The following ANKRD30B variants were observed in gnomAD, a reference collection of about 807,000 sequenced individuals.
ANKRD30B encodes ankyrin repeat domain-containing protein 30B.
In ANKRD30B, 144 loss-of-function variants were observed where a neutral mutation model predicts 202.2. That is an observed-to-expected ratio of 0.71 (90% confidence interval 0.62 to 0.82). The LOEUF (loss-of-function observed/expected upper bound fraction) is 0.82. ANKRD30B is among the 40% of genes least tolerant of loss of function. The probability of loss-of-function intolerance (pLI) is 0.00; values close to 1 mark genes in which losing one functional copy is unlikely to be tolerated. For synonymous variants in ANKRD30B, 508 were observed against 561.3 expected, an observed-to-expected ratio of 0.91 and a Z score of 1.34; for missense variants, 1,487 against 1,669.1, an observed-to-expected ratio of 0.89 and a Z score of 1.90.
At chr18:14,800,611 A>T (rs59693691) in intron 22 of ANKRD30B, among the ~76,000 whole-genome samples, 59,953 of 149,066 alleles carry the variant, frequency 0.4, 13,599 homozygotes, top group East Asian at 0.58. Flanking sequence ...GGCGTGAGCC[A>T]CCGCGCCCGG....
the ANKRD30B span, among the ~76,000 whole-genome samples, chr18:14,932,743 C>G: frequency 4.1e-4 from 62 of 152,338 alleles, no homozygotes; most frequent in Non-Finnish European, 4.4e-5. Flanking sequence ...CTCTCAGGCT[C>G]TTCCCACTTT....
chr18:14,806,305 A>T (rs1280351246), intron 24 of ANKRD30B, among the ~76,000 whole-genome samples: 3 of 150,874 alleles, frequency 2.0e-5, no homozygotes, highest in Non-Finnish European at 4.4e-5. Flanking sequence ...ACTAAAAAGC[A>T]TCATAATAAT....
chr18:14,828,219 A>T, intron 32 of ANKRD30B, 59 bp from the exon 33 acceptor site: 2 of 1,301,908 alleles, frequency 1.5e-6, no homozygotes, highest in South Asian at 2.7e-5. Context: ...TGTTTTTAAT[A>T]TTCTGTATTT....
intron 32 of ANKRD30B, among the ~76,000 whole-genome samples, chr18:14,825,480 C>A (rs1970619762): frequency 6.6e-6 from 1 of 151,964 alleles, no homozygotes; most frequent in Admixed American, 6.6e-5. Flanking sequence ...GATGATCAAA[C>A]TTTTGTCTTA....
intron 6 of ANKRD30B, among the ~76,000 whole-genome samples, chr18:14,762,211 G>C (rs1417525810): frequency 6.6e-6 from 1 of 152,194 alleles, no homozygotes. Context: ...CTTGCAGTGG[G>C]AAAGGAAAAG....
chr18:14,908,335 C>T, the ANKRD30B span, among the ~76,000 whole-genome samples: 2 of 152,172 alleles, frequency 1.3e-5, no homozygotes, highest in African/African-American at 4.8e-5. Flanking sequence ...TCTACAGATG[C>T]AACTCCCCTC....
At chr18:14,917,998 G>A in the ANKRD30B span, among the ~76,000 whole-genome samples, 4 of 152,156 alleles carry the variant, frequency 2.6e-5, no homozygotes, top group African/African-American at 4.8e-5. Flanking sequence ...TTGAAGACAC[G>A]TCTTATCTGA....
chr18:14,887,127 C>A, the ANKRD30B span, among the ~76,000 whole-genome samples: 1 of 152,090 alleles, frequency 6.6e-6, no homozygotes, highest in African/African-American at 2.4e-5. Context: ...TGTTGACCTC[C>A]CATTGGTGAA....
the ANKRD30B span, among the ~76,000 whole-genome samples, chr18:14,930,987 A>G: frequency 6.6e-6 from 1 of 152,204 alleles, no homozygotes; most frequent in African/African-American, 2.4e-5. Flanking sequence ...CAGTCCTACC[A>G]CAGAAGATGA....
rs554798633 is a variant in ANKRD30B, at chr18:14,810,744, G to T, written c.2488+564G>T. 1.1e-4 allele frequency among the ~76,000 whole-genome samples: 17 copies of T among 151,134 alleles called. 2 individuals are homozygous for T. In the South Asian group the frequency reaches 3.6e-3, roughly 32 times the overall value. ...GCTTTTGGCCTTGGTGTCTTTTTAT[G>T]CTACTGTAATTAATTGCCTAGAGGT... On this transcript the variant is annotated intron_variant, in intron 28 of 43. Coordinates refer to ENST00000690538, the MANE Select transcript of ANKRD30B (RefSeq NM_001367607.2).
intron 7 of ANKRD30B, among the ~76,000 whole-genome samples, chr18:14,767,698 A>C (rs1332985544): frequency 8.4e-6 from 1 of 119,288 alleles, no homozygotes; most frequent in African/African-American, 3.6e-5. Context: ...GGACTCAGAA[A>C]CAGACCATTT....
chr18:14,832,408 A>C (rs1327337036), intron 34 of ANKRD30B, among the ~76,000 whole-genome samples: 2 of 152,228 alleles, frequency 1.3e-5, no homozygotes, highest in Non-Finnish European at 2.9e-5. Context: ...TTTTAATTTC[A>C]GAGTTTTTAA....
intron 11 of ANKRD30B, 49 bp downstream of exon 11, chr18:14,780,070 G>C: frequency 6.8e-7 from 1 of 1,466,044 alleles, no homozygotes; most frequent in Non-Finnish European, 9.4e-7. Flanking sequence ...TTAATATTGA[G>C]TGATGTGAAA....
At chr18:14,892,378 C>T in the ANKRD30B span, among the ~76,000 whole-genome samples, 2 of 152,148 alleles carry the variant, frequency 1.3e-5, no homozygotes, top group East Asian at 1.9e-4. Flanking sequence ...TTCATATTGT[C>T]CCACTCCCAA....
At chr18:14,749,909 T>C (rs1436258414) in intron 1 of ANKRD30B, among the ~76,000 whole-genome samples, 1 of 151,926 alleles carries the variant, frequency 6.6e-6, no homozygotes, top group Non-Finnish European at 1.5e-5. Context: ...AAATGCCTGC[T>C]TTTTGGAGAA....
intron 30 of ANKRD30B, among the ~76,000 whole-genome samples, chr18:14,815,617 C>T (rs1389827533): frequency 1.3e-5 from 2 of 152,118 alleles, no homozygotes; most frequent in African/African-American, 4.8e-5. Flanking sequence ...CGTTATGTTG[C>T]TCTTACTTTT....
At chr18:14,760,437 A>G (rs779165782) in intron 5 of ANKRD30B, 117 bp from the exon 6 acceptor site, 103 of 580,550 alleles carry the variant, frequency 1.8e-4, no homozygotes, top group Admixed American at 2.8e-4. Flanking sequence ...GAAATAAGTA[A>G]CATTCTGATG....
chr18:14,796,300 G>A (rs752006265), intron 17 of ANKRD30B, 43 bp from the exon 18 acceptor site: 6 of 1,609,480 alleles, frequency 3.7e-6, no homozygotes, highest in East Asian at 2.2e-5. Context: ...ATTTTAGGAA[G>A]CATATATTAT....
chr18:14,897,252 T>C, the ANKRD30B span, among the ~76,000 whole-genome samples: 2 of 152,156 alleles, frequency 1.3e-5, no homozygotes, highest in Non-Finnish European at 2.9e-5. Context: ...AGGGCCAAAT[T>C]GTCAAGGGTC....
Sources: gnomAD v4.1 joint callset for allele counts (sites outside exome capture counted in the v4.1 genomes callset) on GRCh38, gnomAD v4.1.1 for gene constraint, MANE v1.5 for transcripts, NCBI Gene and HGNC (gene_info 2026-07-23, HGNC 2026-07-21) for gene names.